The following PLEKHG4B variants were observed in gnomAD, a reference collection of about 807,000 sequenced individuals.
PLEKHG4B encodes pleckstrin homology and RhoGEF domain containing G4B, also known as pleckstrin homology domain-containing family G member 4B.
In PLEKHG4B, 111 loss-of-function variants were observed where a neutral mutation model predicts 121.3. That is an observed-to-expected ratio of 0.92 (90% CI 0.78 to 1.07). PLEKHG4B has a LOEUF of 1.07. Among genes scored for constraint, PLEKHG4B ranks in the 50% least tolerant of loss-of-function variants. The pLI, the probability that PLEKHG4B is intolerant of heterozygous loss-of-function variation, is 0.00. For missense variants in PLEKHG4B, 1,831 were observed against 1,757.8 expected (o/e 1.04, Z -0.74); for synonymous variants, 738 against 725.0 (o/e 1.02, Z -0.29).
chr5:184,977 CGCT>C lies in PLEKHG4B; in HGVS notation c.*2656_*2658del, dbSNP rs1560963023. ...CCACAGCAGCGTGATGGCTGGGAGA[CGCT>C]GGATGTGATACGTGAAGTGAGGGGT... On this transcript the variant is annotated 3_prime_UTR_variant, in exon 20 of 20. Transcript: ENST00000637938. 1 of 152,078 alleles carries C rather than the reference CGCT, an allele frequency of 6.6e-6. No individual in the cohort carries two copies. The highest frequency in any genetic ancestry group is 2.4e-5 in the African/African-American group (1 of 41,396). 9.4% of individuals were successfully genotyped at this position (152,078 alleles called of 1,614,324 possible). A position where few individuals can be genotyped will look rare whatever the true frequency, so the allele number is the denominator to read the frequency against.
intron 1 of PLEKHG4B, among the ~76,000 whole-genome samples, chr5:97,545 C>T (rs986103628): frequency 6.6e-6 from 1 of 152,210 alleles, no homozygotes. Context: ...CGGAATCGCA[C>T]AATATATAGG....
chr5:112,769 G>A (rs937762436), intron 1 of PLEKHG4B, among the ~76,000 whole-genome samples: 15 of 152,112 alleles, frequency 9.9e-5, no homozygotes, highest in East Asian at 5.8e-4. Flanking sequence ...ACAAAGTGGC[G>A]CGTGGGCCAG....
intron 6 of PLEKHG4B, among the ~76,000 whole-genome samples, chr5:149,668 TCAA>T (rs753497417): frequency 3.3e-5 from 5 of 152,192 alleles, no homozygotes; most frequent in African/African-American, 1.2e-4. Flanking sequence ...CTCCTAAAAT[TCAA>T]CAACAACAAA....
intron 2 of PLEKHG4B, among the ~76,000 whole-genome samples, chr5:117,829 G>C (rs1734348437): frequency 6.6e-6 from 1 of 152,060 alleles, no homozygotes; most frequent in Non-Finnish European, 1.5e-5. Flanking sequence ...CTCCATCCTG[G>C]GCAACAGAGT....
At chr5:144,662 G>A (rs1041125832) in intron 5 of PLEKHG4B, among the ~76,000 whole-genome samples, 165 bp from the exon 6 acceptor site, 2 of 152,194 alleles carry the variant, frequency 1.3e-5, no homozygotes, top group African/African-American at 4.8e-5. Flanking sequence ...GCCTCCAGCC[G>A]ATGGGCCTGC....
rs189959210 is a variant in PLEKHG4B at position 113,866 on chromosome 5, C to A, written c.243+418C>A. On this transcript the variant is annotated intron_variant, in intron 2 of 19. Coordinates refer to ENST00000637938, the MANE Select transcript of PLEKHG4B (RefSeq NM_052909.5). This position sits in a 1 kb window ranked among gnomAD's most constrained non-coding sequence, Gnocchi z 5.2. ...ACCTGGAAGGGATAGTAGTGAGAAC[C>A]TCAGAGCTAAGTCAGTGCAGCAGTC... Among the ~76,000 whole-genome samples the A allele has an allele frequency of 2.8e-3, 431 of 152,138 alleles. 1 individual carries two copies. Among genetic ancestry groups the A allele is most frequent in the African/African-American group, 9.4e-3 (391 of 41,504 alleles).
chr5:105,740 T>C (rs946172295), intron 1 of PLEKHG4B, among the ~76,000 whole-genome samples: 2 of 152,222 alleles, frequency 1.3e-5, no homozygotes, highest in African/African-American at 4.8e-5. Flanking sequence ...TGAGAAGCTG[T>C]ACATCTAATT....
At position 113,114 on chromosome 5, in the gene PLEKHG4B, T is replaced by G. The variant is rs1265584086; in HGVS notation, c.46-137T>G. The G allele has an allele frequency of 2.5e-6, 1 of 397,344 alleles. No homozygotes were observed. Among genetic ancestry groups the G allele is most frequent in the African/African-American group, 2.1e-5 (1 of 48,628 alleles). 24.6% of individuals were successfully genotyped at this position (397,344 alleles called of 1,614,324 possible). A position where few individuals can be genotyped will look rare whatever the true frequency, so the allele number is the denominator to read the frequency against. On this transcript the variant is annotated intron_variant, in intron 1 of 19. Coordinates refer to ENST00000637938, the MANE Select transcript of PLEKHG4B (RefSeq NM_052909.5). This position sits in a 1 kb window ranked among gnomAD's most constrained non-coding sequence, Gnocchi z 5.2. ...ATGGATTCGCCTGCACATTTTGTCT[T>G]TCTCAGTTAACTCACATCATGCCAG...
At chr5:134,912 G>A (rs6894163) in intron 2 of PLEKHG4B, among the ~76,000 whole-genome samples, 27,689 of 151,548 alleles carry the variant, frequency 0.18, 3,405 homozygotes, top group African/African-American at 0.35. Flanking sequence ...ATTTGTGGCC[G>A]GGCACGGTGG....
At chr5:98,837 C>CTTTTTTTTTTT (rs925964165) in intron 1 of PLEKHG4B, among the ~76,000 whole-genome samples, 1 of 79,298 alleles carries the variant, frequency 1.3e-5, no homozygotes, top group African/African-American at 5.2e-5. Context: ...TTGAATTTTC[C>CTTTTTTTTTTT]TTTTTTTTTT....
chr5:182,029 G>A lies in PLEKHG4B; in HGVS notation c.4590G>A (p.Ala1530=), dbSNP rs779843545. The A allele has an allele frequency of 8.1e-6, 13 of 1,614,070 alleles. No homozygotes were observed. Among genetic ancestry groups the A allele is most frequent in the East Asian group, 4.5e-5 (2 of 44,884 alleles). The change falls in exon 20 of 20, where the codon GCG becomes GCA. Residue 1530 remains alanine, a synonymous_variant. Coordinates refer to ENST00000637938, the MANE Select transcript of PLEKHG4B (RefSeq NM_052909.5). Reference sequence around the variant, plus strand: ...AGTCACAAATGAGAGGGTCCACAGCGGTGTCCTCCTCTGACCACGCCGCCC... The same window carrying A: ...AGTCACAAATGAGAGGGTCCACAGCAGTGTCCTCCTCTGACCACGCCGCCC... The part of the protein sequence containing the change: ...GTESQMRGST[A]VSSSDHAAPF...
At position 182,069 on chromosome 5, in the gene PLEKHG4B, C is replaced by T. The variant is rs1401164678; in HGVS notation, c.4630C>T (p.His1544Tyr). 4.3e-6 allele frequency: 7 copies of T among 1,614,094 alleles called. No homozygotes were observed. Among genetic ancestry groups the T allele is most frequent in the Non-Finnish European group, 4.2e-6 (5 of 1,180,052 alleles). The change falls in exon 20 of 20, where the codon CAC (histidine) becomes TAC (tyrosine). Residue 1544 changes from histidine (H) to tyrosine (Y), a missense_variant. By Grantham distance (83) the His-to-Tyr change is moderately conservative (BLOSUM62 2). Coordinates refer to ENST00000637938, the MANE Select transcript of PLEKHG4B (RefSeq NM_052909.5). ...CCACGCCGCCCCCTTCAAGCGACCACACTCCACCATCTCAGACAGCAGCAC... is the reference window on the plus strand; with the variant it reads ...CCACGCCGCCCCCTTCAAGCGACCATACTCCACCATCTCAGACAGCAGCAC... ...SDHAAPFKRP[H>Y]STISDSSTSS...
chr5:130,311 T>G (rs1160319595), intron 2 of PLEKHG4B, among the ~76,000 whole-genome samples: 3 of 152,094 alleles, frequency 2.0e-5, no homozygotes. Flanking sequence ...TTGGCAGACT[T>G]GAAGAGATAA....
chr5:164,940 G>A lies in PLEKHG4B; in HGVS notation c.3476+1392G>A, dbSNP rs1198584662. Among the ~76,000 whole-genome samples the A allele has an allele frequency of 6.8e-5, 4 of 58,400 alleles. 1 individual carries two copies. Among genetic ancestry groups the A allele is most frequent in the Non-Finnish European group, 1.6e-4 (4 of 24,844 alleles). 38.3% of individuals were successfully genotyped at this position (58,400 alleles called of 152,430 possible). On this transcript the variant is annotated intron_variant, in intron 13 of 19. Transcript: ENST00000637938. ...GCGGAGCTCACACTAATGCTGTGAC[G>A]GGGCGGGGCTTACACACTAATGCTC... is the stretch of plus-strand genomic sequence containing the variant.
intron 2 of PLEKHG4B, among the ~76,000 whole-genome samples, chr5:122,971 C>G (rs1734512485): frequency 6.6e-6 from 1 of 152,108 alleles, no homozygotes; most frequent in African/African-American, 2.4e-5. Context: ...ATTTTTTACC[C>G]TCTCCTCTCA....
At chr5:162,304 C>A (rs545418454) in intron 12 of PLEKHG4B, among the ~76,000 whole-genome samples, 1 of 148,190 alleles carries the variant, frequency 6.7e-6, no homozygotes, top group Admixed American at 6.7e-5. Flanking sequence ...CGAGCTCCCC[C>A]GCGCCGGGGA....
intron 7 of PLEKHG4B, among the ~76,000 whole-genome samples, chr5:152,411 A>G (rs1005332458): frequency 6.0e-5 from 9 of 149,622 alleles, no homozygotes; most frequent in Non-Finnish European, 1.2e-4. Flanking sequence ...GGTTCTTGCT[A>G]TGTTGCCTAG....
At chr5:174,296 G>A (rs1232512569) in intron 18 of PLEKHG4B, among the ~76,000 whole-genome samples, 198 bp downstream of exon 18, 21 of 133,232 alleles carry the variant, frequency 1.6e-4, no homozygotes, top group Non-Finnish European at 3.1e-4. Context: ...CTGGGGTGGG[G>A]GCTGGAGACT....
chr5:100,182 G>A (rs905376293), intron 1 of PLEKHG4B, among the ~76,000 whole-genome samples: 8 of 152,078 alleles, frequency 5.3e-5, no homozygotes, highest in African/African-American at 9.7e-5. Flanking sequence ...ATCTCATTAC[G>A]TTATATGAAA....
Sources: gnomAD v4.1 joint callset for allele counts (sites outside exome capture counted in the v4.1 genomes callset) on GRCh38, gnomAD v4.1.1 for gene constraint, Gnocchi (gnomAD v3.1) non-coding constraint, MANE v1.5 for transcripts, NCBI Gene and HGNC (gene_info 2026-07-23, HGNC 2026-07-21) for gene names.